MTAP: variants seen among roughly 807,000 people sequenced by gnomAD.
MTAP encodes the protein S-methyl-5'-thioadenosine phosphorylase.
MTAP carries 33 observed loss-of-function variants against 33.6 expected under a neutral mutation model. The observed-to-expected ratio is 0.98, with a 90% CI of 0.74 to 1.31. The LOEUF is 1.31. Ranked by LOEUF, MTAP falls within the 40% of genes most tolerant of loss-of-function variation. MTAP has a pLI of 0.00. For synonymous variants in MTAP, 148 were observed against 125.7 expected, an observed-to-expected ratio of 1.18 and a Z score of -1.19; for missense variants, 367 against 360.0, an observed-to-expected ratio of 1.02 and a Z score of -0.16.
chr9:21,898,155 A>G (rs574681676), intron 1 of MTAP, among the ~76,000 whole-genome samples: 54 of 152,268 alleles, frequency 3.5e-4, no homozygotes, highest in African/African-American at 1.1e-3. Context: ...TTAATAAATG[A>G]TGCTGGGAAA....
At chr9:21,918,594 G>C (rs559418717) in intron 1 of MTAP, among the ~76,000 whole-genome samples, 1 of 151,944 alleles carries the variant, frequency 6.6e-6, no homozygotes, top group Non-Finnish European at 1.5e-5. Flanking sequence ...CTGCATCCTC[G>C]CCCAAATCTC....
At chr9:21,934,541 T>G (rs1353448711), downstream of MTAP, 1 of 152,190 alleles carries the variant, frequency 6.6e-6, no homozygotes, top group African/African-American at 2.4e-5. This position sits in a 1 kb window ranked among gnomAD's most constrained non-coding sequence, Gnocchi z 5.0. Flanking sequence ...CAAATAAGTT[T>G]GTTATTGTAA....
At position 21,864,807 on chromosome 9, in the gene MTAP, G is replaced by A. The variant is rs933977686; in HGVS notation, c.*2793G>A. On this transcript the variant is annotated 3_prime_UTR_variant, in exon 8 of 8. Transcript: ENST00000644715. ...GAGCCAGCTGCCCTGCAGGTGCCAC[G>A]TGAGCCTGCTCTGGCATCCACAGGA... 70 of 985,504 alleles carry A rather than the reference G, an allele frequency of 7.1e-5. No individual in the cohort carries two copies. The highest frequency in any genetic ancestry group is 6.1e-4 in the South Asian group (13 of 21,288). The allele number at this position is 985,504 out of a possible 1,614,324, so 61.0% of individuals were successfully genotyped here.
At chr9:21,912,404 T>C (rs1818594179) in intron 1 of MTAP, among the ~76,000 whole-genome samples, 1 of 152,148 alleles carries the variant, frequency 6.6e-6, no homozygotes, top group East Asian at 1.9e-4. Context: ...GCAAACCGAA[T>C]CCAGCAGCAC....
At chr9:21,816,667 C>T (rs760626762) in intron 2 of MTAP, 47 bp from the exon 3 acceptor site, 1 of 1,525,646 alleles carries the variant, frequency 6.6e-7, no homozygotes, top group South Asian at 1.2e-5. Context: ...ATTTACATAC[C>T]TGTTTTTAAA....
chr9:21,882,263 ATATTT>A (rs1401993430), intron 1 of MTAP, among the ~76,000 whole-genome samples: 5 of 152,020 alleles, frequency 3.3e-5, no homozygotes, highest in African/African-American at 1.2e-4. Flanking sequence ...AGGTTCGATA[ATATTT>A]TATTTTATAC....
intron 1 of MTAP, among the ~76,000 whole-genome samples, chr9:21,914,332 A>C (rs9298831): frequency 6.6e-6 from 1 of 152,046 alleles, no homozygotes; most frequent in African/African-American, 2.4e-5. Flanking sequence ...ACATGCACAC[A>C]TATGTTTATT....
intron 4 of MTAP, among the ~76,000 whole-genome samples, chr9:21,822,011 C>G (rs1048970576): frequency 2.0e-5 from 3 of 151,698 alleles, no homozygotes; most frequent in African/African-American, 7.3e-5. Context: ...CTATTTGATT[C>G]TTCTCTCTTT....
chr9:21,921,445 T>G (rs1231008458), intron 1 of MTAP, among the ~76,000 whole-genome samples: 1 of 152,220 alleles, frequency 6.6e-6, no homozygotes, highest in Non-Finnish European at 1.5e-5. Context: ...GGTTTTGTTT[T>G]GTTCTCTTTT....
chr9:21,931,610 A>G (rs7868374), downstream of MTAP: 26,729 of 156,784 alleles, frequency 0.17, 7,475 homozygotes, highest in African/African-American at 0.59. Context: ...ACTTCCTCTA[A>G]AAACACATGA....
Position 21,862,882 on chromosome 9 carries a change from T to G in MTAP, c.*868T>G. The G allele has an allele frequency of 1.1e-6, 1 of 896,320 alleles. No individual in the cohort carries two copies. The highest frequency in any genetic ancestry group is 1.3e-6 in the Non-Finnish European group (1 of 749,610). The allele number at this position is 896,320 out of a possible 1,614,324, so 55.5% of individuals were successfully genotyped here. On this transcript the variant is annotated 3_prime_UTR_variant, in exon 8 of 8. Coordinates refer to ENST00000644715, the MANE Select transcript of MTAP (RefSeq NM_002451.4). ...CTTTGAATCTTTCTGTGTCTTCACA[T>G]TTTTCTACAGTGAATTTAATCAAAT...
intron 3 of MTAP, among the ~76,000 whole-genome samples, chr9:21,817,600 A>G (rs1824515662): frequency 6.6e-6 from 1 of 151,990 alleles, no homozygotes; most frequent in Admixed American, 6.5e-5. Flanking sequence ...TCTTGCTATT[A>G]GGATATGGCA....
chr9:21,825,018 G>A (rs574013534), intron 4 of MTAP, among the ~76,000 whole-genome samples: 25 of 152,250 alleles, frequency 1.6e-4, no homozygotes, highest in Non-Finnish European at 3.1e-4. Context: ...CCTTTGCTAG[G>A]AAAGGGAATT....
At chr9:21,890,275 G>T (rs1425015979) in intron 1 of MTAP, among the ~76,000 whole-genome samples, 1 of 152,138 alleles carries the variant, frequency 6.6e-6, no homozygotes. Flanking sequence ...AGCAAGGCCA[G>T]TCTCACTCCC....
intron 4 of MTAP, among the ~76,000 whole-genome samples, chr9:21,820,978 G>A (rs1004692212): frequency 6.6e-6 from 1 of 152,158 alleles, no homozygotes; most frequent in Admixed American, 6.5e-5. Flanking sequence ...TTGATTTTGT[G>A]TCCTGAGACT....
intron 1 of MTAP, among the ~76,000 whole-genome samples, chr9:21,927,825 C>G (rs1818894147): frequency 6.6e-6 from 1 of 152,148 alleles, no homozygotes; most frequent in Non-Finnish European, 1.5e-5. Flanking sequence ...GTGCTTCACA[C>G]CCACATGGCT....
In MTAP at chr9:21,802,744, C is replaced by A; in HGVS notation, c.-5C>A. The A allele has an allele frequency of 6.2e-7, 1 of 1,613,156 alleles. No individual in the cohort carries two copies. ...GCCCACTGCAGATTCCTTTCCCGTG[C>A]AGACATGGCCTCTGGCACCACCACC... On this transcript the variant is annotated 5_prime_UTR_variant, in exon 1 of 8. Coordinates refer to ENST00000644715, the MANE Select transcript of MTAP (RefSeq NM_002451.4).
intron 1 of MTAP, among the ~76,000 whole-genome samples, chr9:21,920,690 A>G (rs1313349752): frequency 6.6e-6 from 1 of 152,230 alleles, no homozygotes; most frequent in Non-Finnish European, 1.5e-5. Context: ...TGATTAAATA[A>G]TTATTAAGTG....
Position 21,818,041 on chromosome 9 carries a change from A to T in MTAP, c.186A>T (p.Gly62=). ...NVDCVLLARH[G]RQHTIMPSKV... ...TTCTTCTCTCCTTCCATAGGCATGG[A>T]AGGCAGCACACCATCATGCCTTCAA... Residue 62 remains glycine (G), a synonymous_variant, in exon 4 of 8, where the codon GGA becomes GGT. Coordinates refer to ENST00000644715, the MANE Select transcript of MTAP (RefSeq NM_002451.4). The T allele has an allele frequency of 6.2e-7, 1 of 1,610,190 alleles. No individual in the cohort carries two copies. The highest frequency in any genetic ancestry group is 8.5e-7 in the Non-Finnish European group (1 of 1,178,590).
Sources: gnomAD v4.1 joint callset for allele counts (sites outside exome capture counted in the v4.1 genomes callset) on GRCh38, gnomAD v4.1.1 for gene constraint, Gnocchi (gnomAD v3.1) non-coding constraint, MANE v1.5 for transcripts, NCBI Gene and HGNC (gene_info 2026-07-23, HGNC 2026-07-21) for gene names.